ANKS1B: variants seen among roughly 807,000 people sequenced by gnomAD.
ANKS1B encodes the protein ankyrin repeat and sterile alpha motif domain containing 1B.
In ANKS1B, 36 loss-of-function variants were observed where a neutral mutation model predicts 148.3. That is an observed-to-expected ratio of 0.24 (90% CI 0.19 to 0.32). ANKS1B has a LOEUF of 0.32. Ranked by LOEUF, ANKS1B falls within the 10% of genes least tolerant of loss-of-function variation. ANKS1B has a pLI of 1.00. For synonymous variants in ANKS1B, 542 were observed against 560.8 expected, an observed-to-expected ratio of 0.97 and a Z score of 0.47; for missense variants, 1,157 against 1,542.6, an observed-to-expected ratio of 0.75 and a Z score of 4.19.
intron 11 of ANKS1B, among the ~76,000 whole-genome samples, chr12:99,403,068 T>C (rs1467645775): frequency 6.9e-6 from 1 of 144,786 alleles, no homozygotes. Context: ...ACTCTAATGA[T>C]CAATGATGTA....
chr12:98,773,258 A>G (rs1371531643), intron 24 of ANKS1B, 79 bp from the exon 25 acceptor site: 6 of 1,487,066 alleles, frequency 4.0e-6, no homozygotes, highest in Non-Finnish European at 5.4e-6. Context: ...TAACCCAGGA[A>G]GCAGTTGCTT....
intron 14 of ANKS1B, among the ~76,000 whole-genome samples, chr12:99,184,339 TG>T (rs2079521269): frequency 6.6e-6 from 1 of 152,186 alleles, no homozygotes; most frequent in Non-Finnish European, 1.5e-5. Context: ...GAAGGTTTCA[TG>T]GTGTGCAAGA....
At chr12:99,915,551 T>C (rs2094146811) in intron 1 of ANKS1B, among the ~76,000 whole-genome samples, 5 of 152,096 alleles carry the variant, frequency 3.3e-5, no homozygotes, top group Admixed American at 3.3e-4. Context: ...ATAACAGGCA[T>C]CAGAGGTGGC....
intron 22 of ANKS1B, among the ~76,000 whole-genome samples, chr12:98,793,746 G>T (rs993663024): frequency 1.3e-5 from 2 of 152,200 alleles, no homozygotes; most frequent in African/African-American, 4.8e-5. Flanking sequence ...ACGTAAGACT[G>T]CAGAGAGTAT....
intron 17 of ANKS1B, among the ~76,000 whole-genome samples, chr12:98,914,749 T>A (rs1007788664): frequency 6.6e-6 from 1 of 152,084 alleles, no homozygotes; most frequent in African/African-American, 2.4e-5. Context: ...TCCCCAGGTA[T>A]CTGCATGTAT....
intron 10 of ANKS1B, among the ~76,000 whole-genome samples, chr12:99,487,410 G>A (rs2152955591): frequency 6.6e-6 from 1 of 152,182 alleles, no homozygotes; most frequent in South Asian, 2.1e-4. Context: ...ACATAGACAT[G>A]CTTTTCTATG....
chr12:99,665,488 CTTT>C (rs1271222513), intron 8 of ANKS1B, among the ~76,000 whole-genome samples: 5 of 144,346 alleles, frequency 3.5e-5, no homozygotes, highest in African/African-American at 5.0e-5. Context: ...TGTTCGACTT[CTTT>C]TTTTTTTTTT....
intron 25 of ANKS1B, among the ~76,000 whole-genome samples, chr12:98,757,575 G>A (rs1301778142): frequency 1.3e-5 from 2 of 152,156 alleles, no homozygotes; most frequent in Admixed American, 1.3e-4. Flanking sequence ...TGCCCTGGCT[G>A]TGGGGAAGCT....
intron 8 of ANKS1B, among the ~76,000 whole-genome samples, chr12:99,722,016 TAACTCTCTTC>T (rs917590164): frequency 3.3e-5 from 5 of 152,326 alleles, no homozygotes; most frequent in African/African-American, 9.6e-5. Context: ...AACAAGGCCC[TAACTCTCTTC>T]AATTCTATGA....
At chr12:99,792,826 G>A (rs919357051) in intron 4 of ANKS1B, among the ~76,000 whole-genome samples, 3 of 151,882 alleles carry the variant, frequency 2.0e-5, no homozygotes, top group Admixed American at 6.6e-5. Flanking sequence ...ACTCAAAATA[G>A]AACTGGAAGT....
At chr12:99,536,590 C>T (rs1217646610) in intron 9 of ANKS1B, among the ~76,000 whole-genome samples, 2 of 152,022 alleles carry the variant, frequency 1.3e-5, no homozygotes, top group Admixed American at 6.6e-5. Flanking sequence ...ATTAGACCTA[C>T]TCTATAAGAA....
chr12:99,166,435 A>G (rs1394605062), intron 14 of ANKS1B, among the ~76,000 whole-genome samples: 1 of 151,968 alleles, frequency 6.6e-6, no homozygotes, highest in East Asian at 1.9e-4. Context: ...GAGTTGCAGG[A>G]TATAAGATCA....
chr12:99,670,559 A>T (rs2098532793), intron 8 of ANKS1B, among the ~76,000 whole-genome samples: 1 of 152,114 alleles, frequency 6.6e-6, no homozygotes, highest in Non-Finnish European at 1.5e-5. Flanking sequence ...GAACTCTAGG[A>T]TGAGGGAAGA....
At chr12:98,893,282 C>T (rs907807080) in intron 17 of ANKS1B, among the ~76,000 whole-genome samples, 1 of 152,154 alleles carries the variant, frequency 6.6e-6, no homozygotes, top group Admixed American at 6.5e-5. Context: ...ATAATGCCAG[C>T]ACTACTCATT....
At chr12:98,791,654 T>C (rs1213250002) in intron 22 of ANKS1B, among the ~76,000 whole-genome samples, 1 of 152,180 alleles carries the variant, frequency 6.6e-6, no homozygotes, top group Non-Finnish European at 1.5e-5. Context: ...AATTCCTGGG[T>C]TGAAGTGATC....
intron 10 of ANKS1B, among the ~76,000 whole-genome samples, chr12:99,502,620 C>G (rs1489068831): frequency 6.6e-6 from 1 of 152,086 alleles, no homozygotes; most frequent in African/African-American, 2.4e-5. Context: ...CCCTCATTAA[C>G]ATGTAACCTT....
At chr12:99,704,579 C>T (rs2055416189) in intron 8 of ANKS1B, among the ~76,000 whole-genome samples, 1 of 151,970 alleles carries the variant, frequency 6.6e-6, no homozygotes, top group Non-Finnish European at 1.5e-5. Flanking sequence ...TATACACACA[C>T]ACACACACAA....
intron 1 of ANKS1B, 122 bp from the exon 2 acceptor site, chr12:99,825,511 A>G (rs2083070984): frequency 6.2e-6 from 4 of 645,428 alleles, no homozygotes; most frequent in East Asian, 2.8e-5. Context: ...AGCCATGTGG[A>G]AAATGATTGC....
At chr12:99,680,588 T>C (rs2098608683) in intron 8 of ANKS1B, among the ~76,000 whole-genome samples, 1 of 152,124 alleles carries the variant, frequency 6.6e-6, no homozygotes, top group Non-Finnish European at 1.5e-5. Flanking sequence ...GCTGAACTTC[T>C]GTAATAATTT....
Sources: allele counts gnomAD v4.1 joint callset (sites outside exome capture counted in the v4.1 genomes callset), GRCh38; gene constraint gnomAD v4.1.1; transcripts MANE v1.5; gene names NCBI Gene and HGNC (gene_info 2026-07-23, HGNC 2026-07-21).